Variants in AKAP19 observed in about 807,000 individuals in gnomAD.
The protein encoded by AKAP19 is A-kinase anchoring protein 19.
the AKAP19 span, among the ~76,000 whole-genome samples, chr2:190,025,379 C>G: frequency 6.6e-6 from 1 of 152,098 alleles, no homozygotes; most frequent in African/African-American, 2.4e-5. Context: ...CATGTGTGCA[C>G]AATGAACTGA....
chr2:190,122,978 TA>T, the AKAP19 span, among the ~76,000 whole-genome samples: 1 of 152,020 alleles, frequency 6.6e-6, no homozygotes, highest in African/African-American at 2.4e-5. Context: ...CCTGGCTAAT[TA>T]AAAAAATTTT....
chr2:190,131,615 T>TG, the AKAP19 span, among the ~76,000 whole-genome samples: 2 of 152,126 alleles, frequency 1.3e-5, no homozygotes, highest in Non-Finnish European at 2.9e-5. Context: ...GAATTCAAGG[T>TG]GGGGGTCATT....
At chr2:190,167,969 G>A in the AKAP19 span, among the ~76,000 whole-genome samples, 1 of 152,192 alleles carries the variant, frequency 6.6e-6, no homozygotes, top group African/African-American at 2.4e-5. Flanking sequence ...ACCAGGTGGT[G>A]CCCCAGTAGG....
the AKAP19 span, among the ~76,000 whole-genome samples, chr2:190,088,715 T>C: frequency 6.6e-6 from 1 of 152,188 alleles, no homozygotes; most frequent in East Asian, 1.9e-4. Flanking sequence ...TTAAAATCAG[T>C]GTAAGAGATT....
chr2:190,191,449 T>C, the AKAP19 span, among the ~76,000 whole-genome samples: 4 of 152,176 alleles, frequency 2.6e-5, no homozygotes, highest in East Asian at 7.7e-4. Context: ...CCAGCCAGCA[T>C]ACAATTTTTT....
At chr2:189,958,542 T>TAA in the AKAP19 span, among the ~76,000 whole-genome samples, 6 of 144,494 alleles carry the variant, frequency 4.2e-5, no homozygotes, top group East Asian at 4.0e-4. Context: ...TATATATATA[T>TAA]AACATTGAAG....
At chr2:189,903,237 T>A in the AKAP19 span, among the ~76,000 whole-genome samples, 2 of 152,008 alleles carry the variant, frequency 1.3e-5, no homozygotes, top group African/African-American at 4.8e-5. Flanking sequence ...TTAATTTTAA[T>A]TATAGTAGCA....
At chr2:189,959,117 T>C in the AKAP19 span, among the ~76,000 whole-genome samples, 11 of 152,216 alleles carry the variant, frequency 7.2e-5, no homozygotes, top group South Asian at 2.1e-3. Flanking sequence ...CATTTTTTGT[T>C]ATTCATATGT....
chr2:190,160,091 A>G, the AKAP19 span, among the ~76,000 whole-genome samples: 1 of 152,238 alleles, frequency 6.6e-6, no homozygotes, highest in Non-Finnish European at 1.5e-5. Flanking sequence ...AAGAGGGACA[A>G]TCACGACCTA....
At chr2:190,169,372 T>C in the AKAP19 span, among the ~76,000 whole-genome samples, 4 of 152,118 alleles carry the variant, frequency 2.6e-5, no homozygotes, top group Non-Finnish European at 4.4e-5. Flanking sequence ...GTATAGTCTT[T>C]TGTATCCTGC....
At chr2:189,897,854 T>C in the AKAP19 span, among the ~76,000 whole-genome samples, 22 of 152,286 alleles carry the variant, frequency 1.4e-4, 1 homozygote, top group Admixed American at 1.4e-3. Context: ...ATTTAGAAGT[T>C]ATATGTACCC....
chr2:189,982,991 C>T, the AKAP19 span, among the ~76,000 whole-genome samples: 1 of 152,064 alleles, frequency 6.6e-6, no homozygotes, highest in Admixed American at 6.6e-5. Flanking sequence ...CAGTAGATGG[C>T]ACTGAAGAGT....
At chr2:189,892,051 C>T in the AKAP19 span, among the ~76,000 whole-genome samples, 10 of 151,656 alleles carry the variant, frequency 6.6e-5, no homozygotes, top group Non-Finnish European at 1.5e-4. Flanking sequence ...GTATGCTTCA[C>T]GAAGTTCTCA....
At chr2:189,950,261 C>T in the AKAP19 span, among the ~76,000 whole-genome samples, 1 of 151,202 alleles carries the variant, frequency 6.6e-6, no homozygotes, top group Admixed American at 6.6e-5. Flanking sequence ...CTCCTAACCT[C>T]AGATGATCCG....
the AKAP19 span, among the ~76,000 whole-genome samples, chr2:189,969,220 G>T: frequency 6.6e-6 from 1 of 152,044 alleles, no homozygotes. Flanking sequence ...GAGGTGATCA[G>T]GTCATGAGGG....
chr2:190,179,399 C>T, the AKAP19 span, among the ~76,000 whole-genome samples: 1 of 151,102 alleles, frequency 6.6e-6, no homozygotes, highest in Admixed American at 6.6e-5. The surrounding 1 kb of genome is among the most constrained non-coding windows in gnomAD (Gnocchi z 6.0). Context: ...AAGAGCAAGA[C>T]TCCATCTCAA....
chr2:190,006,939 G>A, the AKAP19 span, among the ~76,000 whole-genome samples: 1 of 151,312 alleles, frequency 6.6e-6, no homozygotes, highest in Non-Finnish European at 1.5e-5. Flanking sequence ...AGAATCGCTT[G>A]AACTGGTGGG....
At chr2:190,006,745 G>A in the AKAP19 span, among the ~76,000 whole-genome samples, 7 of 151,730 alleles carry the variant, frequency 4.6e-5, no homozygotes, top group East Asian at 1.9e-4. Flanking sequence ...TAGGCCAGGC[G>A]CGGTGGCTCA....
the AKAP19 span, among the ~76,000 whole-genome samples, chr2:190,175,912 T>G: frequency 6.6e-6 from 1 of 152,216 alleles, no homozygotes; most frequent in Non-Finnish European, 1.5e-5. Flanking sequence ...GCTGTTCCCT[T>G]GTCAATGGGA....
Sources: allele counts gnomAD v4.1 joint callset (sites outside exome capture counted in the v4.1 genomes callset), GRCh38; gene constraint gnomAD v4.1.1; non-coding constraint Gnocchi (gnomAD v3.1); transcripts MANE v1.5; gene names NCBI Gene and HGNC (gene_info 2026-07-23, HGNC 2026-07-21).